The following DPRX variants were observed in gnomAD, a reference collection of about 807,000 sequenced individuals.
DPRX encodes the protein divergent paired-related homeobox.
DPRX carries 11 observed loss-of-function variants against 8.4 expected under a neutral mutation model. The ratio of observed to expected loss-of-function variants is 1.31; its 90% CI spans 0.82 to 2.17. DPRX has a LOEUF of 2.17. Among genes scored for constraint, DPRX ranks in the 30% most tolerant of loss-of-function variants. DPRX has a pLI of 0.00. For missense variants in DPRX, 211 were observed against 236.7 expected, an observed-to-expected ratio of 0.89 and a Z score of 0.71; for synonymous variants, 72 against 87.0, an observed-to-expected ratio of 0.83 and a Z score of 0.96.
chr19:53,603,377 GAT>G, the DPRX span: 1 of 456,434 alleles, frequency 2.2e-6, no homozygotes, highest in Admixed American at 2.4e-5. Context: ...ATCCATAGAC[GAT>G]GCGGCCCCAT....
the DPRX span, among the ~76,000 whole-genome samples, chr19:53,624,727 A>C: frequency 6.6e-5 from 10 of 150,810 alleles, no homozygotes; most frequent in Non-Finnish European, 1.2e-4. Context: ...GGTGGCTTAC[A>C]CCTACTCGGG....
Position 53,636,815 on chromosome 19 carries a change from C to T in DPRX, c.403C>T (p.Pro135Ser), listed in dbSNP as rs376708716. Residue 135 changes from proline to serine, a missense_variant, in exon 3 of 3, where the codon CCC becomes TCC. Transcript: ENST00000376650. ...CCCCTCATTCCAGCTCATCCTGTAC[C>T]CCAACCTCAAGGTCCCTGCAAATGA... 199 of 1,613,962 alleles carry T rather than the reference C, an allele frequency of 1.2e-4. No individual in the cohort carries two copies. The highest frequency in any genetic ancestry group is 1.6e-4 in the Non-Finnish European group (184 of 1,180,028).
exon 3 of DPRX, chr19:53,636,707 G>A (rs2091113988): frequency 2.5e-6 from 4 of 1,613,998 alleles, no homozygotes; most frequent in Non-Finnish European, 2.5e-6. Flanking sequence ...CTCCACCAGT[G>A]TCGGCCTGAG....
At chr19:53,608,494 G>A in the DPRX span, 2 of 152,758 alleles carry the variant, frequency 1.3e-5, no homozygotes, top group South Asian at 4.1e-4. Context: ...CACAGAGACA[G>A]AAGGCAGATC....
the DPRX span, among the ~76,000 whole-genome samples, chr19:53,603,863 G>A: frequency 1.3e-5 from 2 of 149,844 alleles, no homozygotes; most frequent in East Asian, 2.0e-4. Context: ...CTCCTGCCTC[G>A]GCCTCCTGAG....
chr19:53,607,269 G>T, the DPRX span, among the ~76,000 whole-genome samples: 2 of 152,182 alleles, frequency 1.3e-5, no homozygotes, highest in Admixed American at 1.3e-4. Context: ...GTCCAAGAGG[G>T]CACCTCTGGC....
At chr19:53,636,861 T>C in exon 3 of DPRX, 1 of 1,614,052 alleles carries the variant, frequency 6.2e-7, no homozygotes, top group South Asian at 1.1e-5. Flanking sequence ...CACAGAATAG[T>C]CCATTTTGGC....
the DPRX span, among the ~76,000 whole-genome samples, chr19:53,611,101 C>T: frequency 1.3e-5 from 2 of 151,978 alleles, no homozygotes; most frequent in Non-Finnish European, 2.9e-5. Context: ...AAGGTTTCAC[C>T]ATGTTGGCCA....
chr19:53,615,863 G>A, the DPRX span, among the ~76,000 whole-genome samples: 1 of 151,940 alleles, frequency 6.6e-6, no homozygotes. Context: ...AGCACTTTGG[G>A]AGGCCAAGGT....
the DPRX span, among the ~76,000 whole-genome samples, chr19:53,624,729 C>A: frequency 1.3e-5 from 2 of 150,726 alleles, no homozygotes; most frequent in African/African-American, 4.9e-5. Context: ...TGGCTTACAC[C>A]TACTCGGGAA....
chr19:53,632,818 G>A (rs1428093893), intron 1 of DPRX, among the ~76,000 whole-genome samples: 1 of 152,132 alleles, frequency 6.6e-6, no homozygotes, highest in Admixed American at 6.6e-5. Context: ...CTTCTCCCTC[G>A]TAGTTGTGTC....
chr19:53,628,462 G>A (rs1413405914), upstream of DPRX, among the ~76,000 whole-genome samples: 2 of 152,130 alleles, frequency 1.3e-5, no homozygotes, highest in African/African-American at 2.4e-5. Flanking sequence ...ACTTCTTAGT[G>A]TTTTTCTCTA....
chr19:53,607,670 G>T, the DPRX span, among the ~76,000 whole-genome samples: 4 of 149,196 alleles, frequency 2.7e-5, no homozygotes, highest in Non-Finnish European at 5.9e-5. Flanking sequence ...TGGCCAACAT[G>T]GTGAAACCCC....
upstream of DPRX, among the ~76,000 whole-genome samples, chr19:53,629,546 AT>A (rs143537065): frequency 4.7e-4 from 67 of 142,990 alleles, no homozygotes; most frequent in Middle Eastern, 3.6e-3. Context: ...CCGGCCTATG[AT>A]TTTTTTTTTT....
At chr19:53,610,130 G>C in the DPRX span, among the ~76,000 whole-genome samples, 1 of 127,222 alleles carries the variant, frequency 7.9e-6, no homozygotes, top group Non-Finnish European at 1.6e-5. Context: ...CAGCCTGGGT[G>C]ACAAGAGCAA....
the DPRX span, among the ~76,000 whole-genome samples, chr19:53,617,677 C>G: frequency 3.6e-3 from 551 of 151,674 alleles, 2 homozygotes; most frequent in African/African-American, 0.013. Flanking sequence ...GAAGGAAGAG[C>G]AGCAGTAAAA....
chr19:53,622,446 A>C, the DPRX span, among the ~76,000 whole-genome samples: 1 of 152,130 alleles, frequency 6.6e-6, no homozygotes, highest in African/African-American at 2.4e-5. Flanking sequence ...AGATCAGCCT[A>C]GGTAACATAA....
the DPRX span, chr19:53,616,729 G>A: frequency 7.9e-7 from 1 of 1,262,740 alleles, no homozygotes; most frequent in Middle Eastern, 2.5e-4. Context: ...ATTCCAGCCT[G>A]GGCAACAAGA....
At chr19:53,601,120 G>A in the DPRX span, 12 of 380,492 alleles carry the variant, frequency 3.2e-5, no homozygotes, top group Non-Finnish European at 5.3e-5. Context: ...GGTCTCAAGC[G>A]ATGCTCCTGC....
Sources: gnomAD v4.1 joint callset for allele counts (sites outside exome capture counted in the v4.1 genomes callset) on GRCh38, gnomAD v4.1.1 for gene constraint, MANE v1.5 for transcripts, NCBI Gene and HGNC (gene_info 2026-07-23, HGNC 2026-07-21) for gene names.